Variants in NPC2 observed in about 807,000 individuals in gnomAD.
NPC2 encodes Niemann-Pick disease type C2 protein.
In NPC2, 14 loss-of-function variants were observed where a neutral mutation model predicts 17.0. The observed-to-expected ratio is 0.82, with a 90% CI of 0.54 to 1.29. NPC2 has a LOEUF of 1.29. NPC2 is among the 50% of genes most tolerant of loss of function. NPC2 has a pLI of 0.00. For synonymous variants in NPC2, 75 were observed against 69.3 expected (o/e 1.08, Z -0.41); for missense variants, 167 against 183.4 (o/e 0.91, Z 0.52).
chr14:74,483,077 A>C (rs1401219490), intron 3 of NPC2: 3 of 1,317,052 alleles, frequency 2.3e-6, no homozygotes, highest in Non-Finnish European at 2.2e-6. Flanking sequence ...CCAACGATAG[A>C]AGATTCCTAC....
chr14:74,491,367 G>T (rs925993199), intron 1 of NPC2, among the ~76,000 whole-genome samples: 40 of 152,244 alleles, frequency 2.6e-4, no homozygotes, highest in African/African-American at 7.9e-4. Flanking sequence ...CACTGTGCCT[G>T]GCCGGAATGA....
chr14:74,484,297 T>C, intron 3 of NPC2, 118 bp downstream of exon 3: 1 of 1,096,644 alleles, frequency 9.1e-7, no homozygotes, highest in South Asian at 1.3e-5. Context: ...CCCTCGGGCT[T>C]CTTCTTCATC....
At position 74,486,315 on chromosome 14, in the gene NPC2, C is replaced by T. The variant is rs189666920; in HGVS notation, c.190+14G>A. On this transcript the variant is annotated intron_variant, in intron 2 of 4. Transcript: ENST00000555619. ...CTGTAACATGAATTTGAGTTAAGAG[C>T]CACTTTTACGCACTGCTGGTGAAGG... The T allele has an allele frequency of 4.4e-3, 6,951 of 1,571,414 alleles. 43 individuals are homozygous for T. The highest frequency in any genetic ancestry group is 0.013 in the South Asian group (1,143 of 85,878).
At chr14:74,493,412 C>A, upstream of NPC2, 2 of 1,537,290 alleles carry the variant, frequency 1.3e-6, no homozygotes, top group South Asian at 2.4e-5. This position sits in a 1 kb window ranked among gnomAD's most constrained non-coding sequence, Gnocchi z 4.1. Context: ...CCCGCCCGCG[C>A]CCCGCCCCCG....
chr14:74,483,716 A>C (rs1003300799), intron 3 of NPC2, among the ~76,000 whole-genome samples: 3 of 152,364 alleles, frequency 2.0e-5, no homozygotes, highest in African/African-American at 7.2e-5. Context: ...TTGGAAAATA[A>C]GACATAACAG....
In NPC2 at chr14:74,480,151, T is replaced by A; in HGVS notation, c.*123A>T. ...TCAGTTTCTGCTACAGAGCACCTCC[T>A]CTTCAACGAATCACTGGATACCATT... On this transcript the variant is annotated 3_prime_UTR_variant, in exon 5 of 5. Transcript: ENST00000555619. 1 of 1,601,878 alleles carries A rather than the reference T, an allele frequency of 6.2e-7. No homozygotes were observed. Among genetic ancestry groups the A allele is most frequent in the Non-Finnish European group, 8.5e-7 (1 of 1,175,128 alleles).
chr14:74,487,263 G>A (rs866593597), intron 1 of NPC2, among the ~76,000 whole-genome samples: 14 of 134,952 alleles, frequency 1.0e-4, no homozygotes, highest in African/African-American at 3.7e-4. Context: ...TTGTTTTTGT[G>A]GTTTTTTTTT....
intron 1 of NPC2, among the ~76,000 whole-genome samples, chr14:74,490,954 G>T (rs540137628): frequency 1.8e-4 from 28 of 152,274 alleles, no homozygotes; most frequent in African/African-American, 6.7e-4. Flanking sequence ...AACCCAAAGT[G>T]GCTCACAAAG....
Position 74,484,486 on chromosome 14 carries a change from T to G in NPC2, c.292A>C (p.Asn98His), listed in dbSNP as rs142858704. The change falls in exon 3 of 5, where the codon AAC (asparagine) becomes CAC (histidine). Residue 98 changes from asparagine (N) to histidine (H), a missense_variant. Physicochemically the swap from Asn to His is moderately conservative, Grantham distance 68. Coordinates refer to ENST00000555619, the MANE Select transcript of NPC2 (RefSeq NM_006432.5). Reference sequence around the variant, plus strand: ...GTCTTGTCTTTTTGGATAGGGCAGTTAATTCCACTCTTACAACCATCAGGC... The same window carrying G: ...GTCTTGTCTTTTTGGATAGGGCAGTGAATTCCACTCTTACAACCATCAGGC... ...PEPDGCKSGI[N>H]CPIQKDKTYS... The G allele has an allele frequency of 1.4e-4, 231 of 1,614,102 alleles. No homozygotes were observed. The highest frequency in any genetic ancestry group is 1.8e-4 in the Non-Finnish European group (215 of 1,180,010).
chr14:74,483,378 C>A, intron 3 of NPC2: 3 of 1,431,842 alleles, frequency 2.1e-6, no homozygotes, highest in South Asian at 2.4e-5. Flanking sequence ...TGGAACTGTG[C>A]CATTTTAGAA....
chr14:74,486,441 A>G lies in NPC2; in HGVS notation c.83-5T>C. On this transcript the variant is annotated splice_polypyrimidine_tract_variant and splice_region_variant and intron_variant, in intron 1 of 4. Transcript: ENST00000555619. ...TTATAACTCCATCCACAGAACCTGC[A>G]AAAGAAAAATGAATTGGAATAGGAG... 6.3e-7 allele frequency: 1 copy of G among 1,580,304 alleles called. No homozygotes were observed. The highest frequency in any genetic ancestry group is 8.6e-7 in the Non-Finnish European group (1 of 1,161,294).
At chr14:74,480,407 T>C in intron 4 of NPC2, 119 bp from the exon 5 acceptor site, 1 of 902,206 alleles carries the variant, frequency 1.1e-6, no homozygotes, top group Non-Finnish European at 1.9e-6. Context: ...AGGTCCTGTC[T>C]GGCTGGACCT....
In NPC2 at chr14:74,484,563, G is replaced by T; in HGVS notation, c.215C>A (p.Ala72Asp). Residue 72 changes from alanine (A) to aspartate (D), a missense_variant, in exon 3 of 5, where the codon GCC becomes GAC. Coordinates refer to ENST00000555619, the MANE Select transcript of NPC2 (RefSeq NM_006432.5). ...TSNIQSKSSK[A>D]VVHGILMGVP... Reference sequence around the variant, plus strand: ...GCCCATCAGGATGCCATGCACCACGGCCTTGCTGCTTTTAGACTGAATATC... The same window carrying T: ...GCCCATCAGGATGCCATGCACCACGTCCTTGCTGCTTTTAGACTGAATATC... The T allele has an allele frequency of 6.2e-7, 1 of 1,613,994 alleles. No homozygotes were observed. Among genetic ancestry groups the T allele is most frequent in the Non-Finnish European group, 8.5e-7 (1 of 1,180,000 alleles).
intron 2 of NPC2, among the ~76,000 whole-genome samples, chr14:74,485,294 C>CAAAAAAAAAAAAAAAAAAAAAAAAA (rs61395005): frequency 5.6e-5 from 4 of 71,332 alleles, no homozygotes; most frequent in African/African-American, 2.3e-4. Flanking sequence ...GACTCTGTCA[C>CAAAAAAAAAAAAAAAAAAAAAAAAA]AAAAAAAAAA....
chr14:74,484,295 C>T (rs1407673506), intron 3 of NPC2, 120 bp downstream of exon 3: 4 of 1,062,280 alleles, frequency 3.8e-6, no homozygotes, highest in Non-Finnish European at 5.8e-6. Flanking sequence ...TTCCCTCGGG[C>T]TTCTTCTTCA....
In NPC2 at chr14:74,493,074, CAA is replaced by C; in HGVS notation, c.82+117_82+118del. On this transcript the variant is annotated intron_variant, in intron 1 of 4. Transcript: ENST00000555619. This position sits in a 1 kb window ranked among gnomAD's most constrained non-coding sequence, Gnocchi z 4.1. ...CAGCCCATTCCAGTTAGGTAGGGTC[CAA>C]GGCTCAGCCTGGCCGCCCGAGGGAT... 7.5e-7 allele frequency: 1 copy of C among 1,328,548 alleles called. No homozygotes were observed. The allele number at this position is 1,328,548 out of a possible 1,614,324, so 82.3% of individuals were successfully genotyped here.
chr14:74,486,077 C>A (rs1339806708), intron 2 of NPC2, among the ~76,000 whole-genome samples: 1 of 152,140 alleles, frequency 6.6e-6, no homozygotes, highest in Admixed American at 6.5e-5. Context: ...GACAGAAAAG[C>A]CAAGCTGTCT....
chr14:74,490,239 T>C (rs956597916), intron 1 of NPC2, among the ~76,000 whole-genome samples: 1 of 152,206 alleles, frequency 6.6e-6, no homozygotes, highest in African/African-American at 2.4e-5. Flanking sequence ...TAAGTAGATG[T>C]TCTTTGCTGC....
intron 3 of NPC2, among the ~76,000 whole-genome samples, chr14:74,483,964 T>G (rs117743573): frequency 0.01 from 1,565 of 152,328 alleles, 15 homozygotes; most frequent in Non-Finnish European, 0.015. Context: ...TTATGGAATA[T>G]CCTCTGTCAT....
Sources: allele counts gnomAD v4.1 joint callset (sites outside exome capture counted in the v4.1 genomes callset), GRCh38; gene constraint gnomAD v4.1.1; non-coding constraint Gnocchi (gnomAD v3.1); transcripts MANE v1.5; gene names NCBI Gene and HGNC (gene_info 2026-07-23, HGNC 2026-07-21).